DNAH8: variants seen among roughly 807,000 people sequenced by gnomAD.
DNAH8 encodes dynein axonemal heavy chain 8, also known as axonemal beta dynein heavy chain 8.
DNAH8 carries 382 observed loss-of-function variants against 562.1 expected under a neutral mutation model. That is an observed-to-expected ratio of 0.68 (90% CI 0.63 to 0.74). The LOEUF is 0.74. Among genes scored for constraint, DNAH8 ranks in the 30% least tolerant of loss-of-function variants. DNAH8 has a pLI of 0.00. For synonymous variants in DNAH8, 1,881 were observed against 1,919.4 expected (o/e 0.98, Z 0.52); for missense variants, 5,203 against 5,620.4 (o/e 0.93, Z 2.37).
intron 3 of DNAH8, 91 bp downstream of exon 3, chr6:38,723,562 C>A: frequency 6.9e-7 from 1 of 1,442,854 alleles, no homozygotes; most frequent in Non-Finnish European, 9.3e-7. Flanking sequence ...GCAACAACAA[C>A]AACAAAAATC....
intron 21 of DNAH8, among the ~76,000 whole-genome samples, chr6:38,796,277 GAGATAGC>G (rs1770242329): frequency 6.6e-6 from 1 of 152,122 alleles, no homozygotes; most frequent in Non-Finnish European, 1.5e-5. Flanking sequence ...CTGAGCTCCT[GAGATAGC>G]AGTGCTGGCT....
At chr6:38,839,184 C>A (rs1167398631) in intron 33 of DNAH8, among the ~76,000 whole-genome samples, 1 of 152,164 alleles carries the variant, frequency 6.6e-6, no homozygotes, top group South Asian at 2.1e-4. Context: ...TACACACTCT[C>A]CAGGTGACTG....
At chr6:38,772,466 T>C (rs1012725480) in intron 12 of DNAH8, among the ~76,000 whole-genome samples, 2 of 152,226 alleles carry the variant, frequency 1.3e-5, no homozygotes, top group African/African-American at 2.4e-5. Flanking sequence ...ATGTGGAGCA[T>C]ATTTTGATGT....
rs538292776 is a variant in DNAH8, at chr6:38,973,957, C to G, written c.12678+144C>G. ...TCTTATACTATAATACTATAATCAT[C>G]AAAATCTTGACATCAAGGTTAGACT... On this transcript the variant is annotated intron_variant, in intron 84 of 92. Coordinates refer to ENST00000327475, the MANE Select transcript of DNAH8 (RefSeq NM_001206927.2). The G allele has an allele frequency of 5.8e-5, 34 of 587,748 alleles. No homozygotes were observed. In the East Asian group the frequency reaches 9.9e-4, roughly 17 times the overall value. The allele number at this position is 587,748 out of a possible 1,614,324, so 36.4% of individuals were successfully genotyped here.
chr6:38,907,023 GA>G (rs1224185293), intron 63 of DNAH8, among the ~76,000 whole-genome samples: 1 of 151,934 alleles, frequency 6.6e-6, no homozygotes, highest in Non-Finnish European at 1.5e-5. Context: ...TCCAAAATCT[GA>G]AAAAAATCTG....
intron 42 of DNAH8, 29 bp downstream of exon 42, chr6:38,857,771 T>C: frequency 1.5e-6 from 2 of 1,363,386 alleles, no homozygotes; most frequent in South Asian, 1.2e-5. Flanking sequence ...TAATTTAGTG[T>C]ACTAACTAAT....
At chr6:38,956,878 G>A (rs1043452367) in intron 82 of DNAH8, among the ~76,000 whole-genome samples, 1 of 152,000 alleles carries the variant, frequency 6.6e-6, no homozygotes, top group Non-Finnish European at 1.5e-5. Context: ...GAAGAAGAAA[G>A]GATCTACAAA....
intron 8 of DNAH8, among the ~76,000 whole-genome samples, chr6:38,750,267 A>C (rs1765322960): frequency 6.6e-6 from 1 of 152,190 alleles, no homozygotes; most frequent in South Asian, 2.1e-4. Flanking sequence ...TTTAATTACA[A>C]ACAGAATGAG....
Position 38,734,682 on chromosome 6 carries a change from C to T in DNAH8, c.762+57C>T, listed in dbSNP as rs980517969. 2.6e-6 allele frequency: 4 copies of T among 1,558,132 alleles called. No individual in the cohort carries two copies. The African/African-American group carries it at 5.5e-5, about 21-fold the overall frequency. Reference sequence around the variant, plus strand: ...TAAACATTGAATATATTTTTGTAGTCACACTTATGCTTTACTTTGCTTTCC... The same window carrying T: ...TAAACATTGAATATATTTTTGTAGTTACACTTATGCTTTACTTTGCTTTCC... On this transcript the variant is annotated intron_variant, in intron 5 of 92. Transcript: ENST00000327475.
chr6:39,004,377 G>A (rs1765670257), intron 88 of DNAH8, among the ~76,000 whole-genome samples: 1 of 151,906 alleles, frequency 6.6e-6, no homozygotes, highest in Non-Finnish European at 1.5e-5. Context: ...TGCTTATTTA[G>A]ACTTACCTAT....
At chr6:38,768,159 T>G (rs1562712286) in intron 11 of DNAH8, among the ~76,000 whole-genome samples, 1 of 152,142 alleles carries the variant, frequency 6.6e-6, no homozygotes, top group East Asian at 1.9e-4. Context: ...GTTTGGGTTT[T>G]TTGTTGTTGT....
chr6:38,753,706 A>G (rs1765664230), intron 9 of DNAH8, among the ~76,000 whole-genome samples: 1 of 152,212 alleles, frequency 6.6e-6, no homozygotes, highest in Non-Finnish European at 1.5e-5. Flanking sequence ...GACTTGTTTT[A>G]ATTCATATAA....
chr6:38,875,475 T>G, intron 52 of DNAH8, 116 bp from the exon 53 acceptor site: 1 of 639,720 alleles, frequency 1.6e-6, no homozygotes, highest in Non-Finnish European at 2.5e-6. Context: ...AGCAATAGCT[T>G]GAGATATATC....
intron 67 of DNAH8, among the ~76,000 whole-genome samples, chr6:38,914,934 A>G (rs867964517): frequency 6.6e-6 from 1 of 152,150 alleles, no homozygotes; most frequent in South Asian, 2.1e-4. Flanking sequence ...AAATTTGTAG[A>G]GTGAAAATAC....
chr6:38,721,568 T>TA (rs1183663004), intron 1 of DNAH8, among the ~76,000 whole-genome samples: 9 of 151,690 alleles, frequency 5.9e-5, no homozygotes, highest in Non-Finnish European at 1.0e-4. Flanking sequence ...GAGGGAAGGC[T>TA]AAAAAAACCC....
intron 9 of DNAH8, 67 bp from the exon 10 acceptor site, chr6:38,755,905 T>G: frequency 1.1e-6 from 1 of 916,378 alleles, no homozygotes; most frequent in African/African-American, 1.7e-5. Context: ...GTTTTGAGTA[T>G]TATAGAATAT....
chr6:38,791,748 A>G, intron 21 of DNAH8, 74 bp downstream of exon 21: 1 of 1,516,318 alleles, frequency 6.6e-7, no homozygotes, highest in African/African-American at 1.4e-5. Context: ...TTTCAGTCTA[A>G]AAGTAGAAAC....
chr6:38,845,426 TC>T lies in DNAH8; in HGVS notation c.4846-147del, dbSNP rs778642862. 3.8e-4 allele frequency: 238 copies of T among 622,500 alleles called. 1 individual carries two copies. Among genetic ancestry groups the T allele is most frequent in the Non-Finnish European group, 6.3e-4 (223 of 353,792 alleles). 38.6% of individuals were successfully genotyped at this position (622,500 alleles called of 1,614,324 possible). A position where few individuals can be genotyped will look rare whatever the true frequency, so the allele number is the denominator to read the frequency against. On this transcript the variant is annotated intron_variant, in intron 35 of 92. Coordinates refer to ENST00000327475, the MANE Select transcript of DNAH8 (RefSeq NM_001206927.2). ...CTAGTGTCAAGTTGCAACACAATGA[TC>T]TGAAGCCTTTTCTTGGCTGTAAAAT... is the stretch of plus-strand genomic sequence containing the variant.
chr6:38,717,364 C>T (rs1001757574), intron 1 of DNAH8, among the ~76,000 whole-genome samples: 8 of 152,088 alleles, frequency 5.3e-5, no homozygotes, highest in Non-Finnish European at 4.4e-5. Flanking sequence ...CACTCTGTCA[C>T]CCAGACTGGA....
Sources: gnomAD v4.1 joint callset for allele counts (sites outside exome capture counted in the v4.1 genomes callset) on GRCh38, gnomAD v4.1.1 for gene constraint, MANE v1.5 for transcripts, NCBI Gene and HGNC (gene_info 2026-07-23, HGNC 2026-07-21) for gene names.